The following ST6GALNAC1 variants were observed in gnomAD, a reference collection of about 807,000 sequenced individuals.
ST6GALNAC1 encodes the protein ST6 N-acetylgalactosaminide alpha-2,6-sialyltransferase 1.
Under a neutral mutation model 56.8 loss-of-function variants are expected in ST6GALNAC1, and 45 were observed. The observed-to-expected ratio is 0.79, with a 90% CI of 0.62 to 1.02. ST6GALNAC1 has a LOEUF of 1.02. Among genes scored for constraint, ST6GALNAC1 ranks in the 50% least tolerant of loss-of-function variants. The pLI, the probability that ST6GALNAC1 is intolerant of heterozygous loss-of-function variation, is 0.00. For synonymous variants in ST6GALNAC1, 295 were observed against 297.8 expected (o/e 0.99, Z 0.10); for missense variants, 743 against 754.8 (o/e 0.98, Z 0.18).
At chr17:76,618,267 G>A in the ST6GALNAC1 span, among the ~76,000 whole-genome samples, 2 of 152,196 alleles carry the variant, frequency 1.3e-5, no homozygotes, top group Non-Finnish European at 2.9e-5. Flanking sequence ...AGAAGAAGCA[G>A]ATACAGCTAG....
chr17:76,626,340 T>A lies in ST6GALNAC1; in HGVS notation c.1364A>T (p.Glu455Val). The A allele has an allele frequency of 6.2e-7, 1 of 1,613,522 alleles. No homozygotes were observed. The highest frequency in any genetic ancestry group is 1.1e-5 in the South Asian group (1 of 91,080). Reference protein sequence around the residue: ...LEGTRDYEWLEALLMNQTVMS... With the variant: ...LEGTRDYEWLVALLMNQTVMS... ...CACCGTCTGATTCATAAGCAGTGCT[T>A]CCAGCCACTCATAGTCCCGGGTGCC... The change falls in exon 6 of 9, where the codon GAA becomes GTA. Residue 455 changes from glutamate to valine, a missense_variant. Physicochemically the swap from Glu to Val is moderately radical, Grantham distance 121. Transcript: ENST00000156626.
At chr17:76,633,308 C>T (rs552221234) in intron 1 of ST6GALNAC1, among the ~76,000 whole-genome samples, 2 of 152,120 alleles carry the variant, frequency 1.3e-5, no homozygotes, top group South Asian at 2.1e-4. Context: ...GTCGGGAGTT[C>T]GAGACCAGCC....
chr17:76,642,727 T>G (rs1003000289), intron 1 of ST6GALNAC1, among the ~76,000 whole-genome samples: 1 of 152,006 alleles, frequency 6.6e-6, no homozygotes, highest in Non-Finnish European at 1.5e-5. Flanking sequence ...GGTCGGGAGT[T>G]CAAGACCAGC....
intron 1 of ST6GALNAC1, among the ~76,000 whole-genome samples, chr17:76,631,907 T>C (rs562662198): frequency 6.6e-6 from 1 of 152,202 alleles, no homozygotes; most frequent in East Asian, 1.9e-4. Context: ...TCTGAAAGAA[T>C]GCCACTCAAC....
chr17:76,634,894 A>G (rs2075957749), intron 1 of ST6GALNAC1, among the ~76,000 whole-genome samples: 1 of 152,190 alleles, frequency 6.6e-6, no homozygotes, highest in Admixed American at 6.5e-5. Context: ...AAAAAAAACA[A>G]AAACAAAAAA....
chr17:76,624,202 G>T (rs750051456), downstream of ST6GALNAC1, among the ~76,000 whole-genome samples: 2 of 151,494 alleles, frequency 1.3e-5, no homozygotes, highest in Non-Finnish European at 2.9e-5. Context: ...TCCTACCGAG[G>T]GTCCTTTATT....
chr17:76,633,483 C>T (rs2075935975), intron 1 of ST6GALNAC1: 1 of 152,272 alleles, frequency 6.6e-6, no homozygotes, highest in Non-Finnish European at 1.5e-5. Context: ...GCACTTCAGC[C>T]TGGGCAACAA....
chr17:76,625,808 T>C lies in ST6GALNAC1; in HGVS notation c.1605+11A>G. The C allele has an allele frequency of 6.6e-7, 1 of 1,522,914 alleles. No individual in the cohort carries two copies. The highest frequency in any genetic ancestry group is 8.8e-7 in the Non-Finnish European group (1 of 1,138,682). 94.3% of individuals were successfully genotyped at this position (1,522,914 alleles called of 1,614,324 possible). Reference sequence around the variant, plus strand: ...TCTCCAGGTATTTCTGCAGCTGCAGTGGAGCCTTACCTGGTCACAGAGCTG... The same window carrying C: ...TCTCCAGGTATTTCTGCAGCTGCAGCGGAGCCTTACCTGGTCACAGAGCTG... On this transcript the variant is annotated intron_variant, in intron 8 of 8. Transcript: ENST00000156626.
chr17:76,640,921 T>TA (rs1041373354), intron 1 of ST6GALNAC1, among the ~76,000 whole-genome samples: 2 of 151,966 alleles, frequency 1.3e-5, no homozygotes, highest in South Asian at 2.1e-4. Flanking sequence ...CAGATGTATG[T>TA]AAAAAAAACC....
At position 76,625,809 on chromosome 17, in the gene ST6GALNAC1, G is replaced by A. The variant is rs1216552094; in HGVS notation, c.1605+10C>T. On this transcript the variant is annotated intron_variant, in intron 8 of 8. Coordinates refer to ENST00000156626, the MANE Select transcript of ST6GALNAC1 (RefSeq NM_018414.5). ...CTCCAGGTATTTCTGCAGCTGCAGT[G>A]GAGCCTTACCTGGTCACAGAGCTGA... The A allele has an allele frequency of 5.3e-6, 8 of 1,523,526 alleles. No individual in the cohort carries two copies. The highest frequency in any genetic ancestry group is 2.3e-5 in the East Asian group (1 of 44,280). The allele number at this position is 1,523,526 out of a possible 1,614,324, so 94.4% of individuals were successfully genotyped here.
At chr17:76,626,530 G>A (rs1009722191) in intron 5 of ST6GALNAC1, 121 bp downstream of exon 5, 4 of 1,523,154 alleles carry the variant, frequency 2.6e-6, no homozygotes, top group African/African-American at 2.7e-5. Context: ...TGCCCTTATA[G>A]GAGGGGAGCC....
At chr17:76,637,272 T>C (rs1455935555) in intron 1 of ST6GALNAC1, among the ~76,000 whole-genome samples, 1 of 18,166 alleles carries the variant, frequency 5.5e-5, no homozygotes, top group Non-Finnish European at 9.3e-5. Flanking sequence ...CAATAAATAC[T>C]AAAAAAAAAA....
intron 1 of ST6GALNAC1, chr17:76,637,818 A>G (rs896222706): frequency 2.5e-5 from 10 of 397,888 alleles, no homozygotes; most frequent in Non-Finnish European, 4.0e-5. Context: ...TCAGGAGGTG[A>G]TAGAAAATAA....
At chr17:76,629,864 CCTCCAT>C in intron 1 of ST6GALNAC1, among the ~76,000 whole-genome samples, 153 bp from the exon 2 acceptor site, 1 of 149,416 alleles carries the variant, frequency 6.7e-6, no homozygotes, top group Middle Eastern at 3.5e-3. Flanking sequence ...CTCACTGCAA[CCTCCAT>C]CTCCTGGGTT....
At chr17:76,623,837 A>AAG (rs1350015838), downstream of ST6GALNAC1, among the ~76,000 whole-genome samples, 1 of 152,180 alleles carries the variant, frequency 6.6e-6, no homozygotes, top group Admixed American at 6.5e-5. Context: ...CTCAGTCGTT[A>AAG]AGTTTAGGTA....
chr17:76,642,219 C>CCTGCCTATCTATCTATCTATCTAT (rs147101466), intron 1 of ST6GALNAC1, among the ~76,000 whole-genome samples: 1 of 150,078 alleles, frequency 6.7e-6, no homozygotes, highest in African/African-American at 2.5e-5. Flanking sequence ...TCTCTATCTG[C>CCTGCCTATCTATCTATCTATCTAT]CTATCTATCT....
intron 1 of ST6GALNAC1, among the ~76,000 whole-genome samples, chr17:76,639,639 AC>A (rs1309413079): frequency 2.7e-3 from 1 of 366 alleles, no homozygotes; most frequent in African/African-American, 3.3e-3. Flanking sequence ...TACATGATAA[AC>A]ACACACACAC....
At chr17:76,626,214 C>T in intron 6 of ST6GALNAC1, 75 bp downstream of exon 6, 1 of 1,562,098 alleles carries the variant, frequency 6.4e-7, no homozygotes, top group Non-Finnish European at 8.8e-7. Flanking sequence ...GCTGTCCCCA[C>T]CTGTCCAACC....
chr17:76,629,188 C>G lies in ST6GALNAC1; in HGVS notation c.655G>C (p.Val219Leu), dbSNP rs369182233. 1 of 1,614,146 alleles carries G rather than the reference C, an allele frequency of 6.2e-7. No individual in the cohort carries two copies. Among genetic ancestry groups the G allele is most frequent in the South Asian group, 1.1e-5 (1 of 91,078 alleles). The change falls in exon 2 of 9, where the codon GTG becomes CTG. Residue 219 changes from valine (V) to leucine (L), a missense_variant. Physicochemically the swap from Val to Leu is conservative, Grantham distance 32 (BLOSUM62 1). Coordinates refer to ENST00000156626, the MANE Select transcript of ST6GALNAC1 (RefSeq NM_018414.5). ...AVSTRTRQKG[V>L]TTAVIPPKEK... Reference sequence around the variant, plus strand: ...TTAGGTGGGATGACTGCTGTGGTCACTCCTTTCTGTCTCGTCCTTGTTGAC... The same window carrying G: ...TTAGGTGGGATGACTGCTGTGGTCAGTCCTTTCTGTCTCGTCCTTGTTGAC...
Sources: allele counts gnomAD v4.1 joint callset (sites outside exome capture counted in the v4.1 genomes callset), GRCh38; gene constraint gnomAD v4.1.1; transcripts MANE v1.5; gene names NCBI Gene and HGNC (gene_info 2026-07-23, HGNC 2026-07-21).